The following PRKCA variants were observed in gnomAD, a reference collection of about 807,000 sequenced individuals.
PRKCA encodes protein kinase C alpha.
In PRKCA, 27 loss-of-function variants were observed where a neutral mutation model predicts 87.0. That is an observed-to-expected ratio of 0.31 (90% CI 0.23 to 0.43). The LOEUF is 0.43. Ranked by LOEUF, PRKCA falls within the 20% of genes least tolerant of loss-of-function variation. PRKCA has a pLI of 1.00. For synonymous variants in PRKCA, 329 were observed against 311.1 expected (o/e 1.06, Z -0.61); for missense variants, 518 against 852.3 (o/e 0.61, Z 4.88).
chr17:66,756,629 A>C (rs1407038164), intron 13 of PRKCA, among the ~76,000 whole-genome samples: 1 of 151,552 alleles, frequency 6.6e-6, no homozygotes, highest in East Asian at 1.9e-4. Context: ...AGGATGTTGG[A>C]ATGATAACCA....
chr17:66,724,238 G>A (rs1409143588), intron 8 of PRKCA, among the ~76,000 whole-genome samples: 1 of 151,824 alleles, frequency 6.6e-6, no homozygotes, highest in African/African-American at 2.4e-5. Flanking sequence ...GGAGGTTGCA[G>A]TGAGCCAAGA....
chr17:66,451,364 A>ATTTG (rs1914307559), intron 2 of PRKCA, among the ~76,000 whole-genome samples: 1 of 150,988 alleles, frequency 6.6e-6, no homozygotes, highest in Non-Finnish European at 1.5e-5. Context: ...TTATTTATTT[A>ATTTG]TTTATTTATT....
intron 2 of PRKCA, among the ~76,000 whole-genome samples, chr17:66,424,941 T>C (rs914585498): frequency 7.9e-5 from 12 of 151,988 alleles, no homozygotes; most frequent in Non-Finnish European, 1.3e-4. Context: ...TGTATTTTTT[T>C]AGTAGAGATG....
chr17:66,628,051 A>G (rs549843120), intron 3 of PRKCA, among the ~76,000 whole-genome samples: 15 of 152,324 alleles, frequency 9.8e-5, no homozygotes, highest in Non-Finnish European at 1.8e-4. Flanking sequence ...GAGAAAAACC[A>G]AGGATTAACA....
chr17:66,374,742 T>G (rs2143553371), intron 2 of PRKCA, among the ~76,000 whole-genome samples: 1 of 149,350 alleles, frequency 6.7e-6, no homozygotes, highest in African/African-American at 2.5e-5. Flanking sequence ...TTTTTTTTCT[T>G]TCTGAGACAC....
chr17:66,407,337 C>G (rs574053381), intron 2 of PRKCA, among the ~76,000 whole-genome samples: 1 of 151,960 alleles, frequency 6.6e-6, no homozygotes, highest in African/African-American at 2.4e-5. Flanking sequence ...AGTGAGTTCT[C>G]GGGGATCTGG....
intron 3 of PRKCA, among the ~76,000 whole-genome samples, chr17:66,533,762 C>T (rs535611025): frequency 1.2e-4 from 18 of 152,260 alleles, no homozygotes; most frequent in African/African-American, 3.9e-4. Flanking sequence ...GTTGTTGACT[C>T]GGGGGAGCGG....
chr17:66,660,625 C>A (rs996989075), intron 5 of PRKCA, among the ~76,000 whole-genome samples: 5 of 152,142 alleles, frequency 3.3e-5, no homozygotes, highest in Admixed American at 2.6e-4. Flanking sequence ...CGCGATGGCT[C>A]ACGCCTGTAA....
intron 2 of PRKCA, among the ~76,000 whole-genome samples, chr17:66,323,229 C>T (rs1905786728): frequency 6.6e-6 from 1 of 152,128 alleles, no homozygotes; most frequent in African/African-American, 2.4e-5. Context: ...TTGCATGCTC[C>T]CAGTGCACGT....
At chr17:66,738,948 TC>T in intron 11 of PRKCA, 93 bp downstream of exon 11, 1 of 937,484 alleles carries the variant, frequency 1.1e-6, no homozygotes, top group East Asian at 2.7e-5. Context: ...ATTGGGGGTC[TC>T]ACTCTGTCAC....
intron 13 of PRKCA, among the ~76,000 whole-genome samples, chr17:66,762,794 A>T (rs1223118546): frequency 6.6e-6 from 1 of 151,996 alleles, no homozygotes; most frequent in Non-Finnish European, 1.5e-5. Context: ...CACCTTTTTT[A>T]TTTTATTTTA....
intron 3 of PRKCA, among the ~76,000 whole-genome samples, chr17:66,620,505 C>T (rs969859931): frequency 4.6e-5 from 7 of 152,114 alleles, no homozygotes; most frequent in African/African-American, 1.2e-4. Flanking sequence ...CTGTGGCTAC[C>T]GATAGCTGCA....
At position 66,722,144 on chromosome 17, in the gene PRKCA, T is replaced by A. The variant is rs568085488; in HGVS notation, c.919-10544T>A. ...TATTGTATTAGAGGTCAGAAATTTC[T>A]ATTTTTATGGTCTGTCTGATTTTCC... On this transcript the variant is annotated intron_variant, in intron 8 of 16. Transcript: ENST00000413366. Among the ~76,000 whole-genome samples the A allele has an allele frequency of 2.0e-3, 298 of 152,342 alleles. 1 individual carries two copies. The highest frequency in any genetic ancestry group is 2.6e-3 in the Non-Finnish European group (177 of 68,022).
intron 5 of PRKCA, among the ~76,000 whole-genome samples, chr17:66,669,314 C>A (rs1346654879): frequency 6.6e-6 from 1 of 152,080 alleles, no homozygotes; most frequent in Non-Finnish European, 1.5e-5. Flanking sequence ...GTGCAACAAA[C>A]AGCAGAATTG....
At chr17:66,525,566 G>T (rs1043717123) in intron 3 of PRKCA, among the ~76,000 whole-genome samples, 1 of 152,184 alleles carries the variant, frequency 6.6e-6, no homozygotes, top group African/African-American at 2.4e-5. Context: ...TTAGTGAAGG[G>T]TGGAAGATCG....
chr17:66,701,631 C>T (rs1973067951), intron 8 of PRKCA, among the ~76,000 whole-genome samples: 1 of 151,950 alleles, frequency 6.6e-6, no homozygotes, highest in African/African-American at 2.4e-5. Flanking sequence ...AAAGAAAACC[C>T]ACAGATTTTA....
intron 3 of PRKCA, among the ~76,000 whole-genome samples, chr17:66,576,188 C>CTATGAAA (rs1969232104): frequency 6.6e-6 from 1 of 152,158 alleles, no homozygotes. Flanking sequence ...GGAGGCTGTG[C>CTATGAAA]TATGAAGACT....
At chr17:66,560,250 A>AT (rs1396686640) in intron 3 of PRKCA, among the ~76,000 whole-genome samples, 2 of 152,078 alleles carry the variant, frequency 1.3e-5, no homozygotes, top group Non-Finnish European at 2.9e-5. Context: ...ATAAAAAAAA[A>AT]ATATGAAGAA....
At position 66,804,118 on chromosome 17, in the gene PRKCA, A is replaced by C; in HGVS notation, c.*81A>C. The C allele has an allele frequency of 1.3e-6, 2 of 1,521,720 alleles. No homozygotes were observed. The highest frequency in any genetic ancestry group is 2.6e-5 in the South Asian group (2 of 78,058). 94.3% of individuals were successfully genotyped at this position (1,521,720 alleles called of 1,614,324 possible). On this transcript the variant is annotated 3_prime_UTR_variant, in exon 17 of 17. Coordinates refer to ENST00000413366, the MANE Select transcript of PRKCA (RefSeq NM_002737.3). Reference sequence around the variant, plus strand: ...AGTGAATCCTTAACCCTAAAATTTTAAGGCCACGGCCTTGTGTCTGATTCC... The same window carrying C: ...AGTGAATCCTTAACCCTAAAATTTTCAGGCCACGGCCTTGTGTCTGATTCC...
Sources: gnomAD v4.1 joint callset for allele counts (sites outside exome capture counted in the v4.1 genomes callset) on GRCh38, gnomAD v4.1.1 for gene constraint, MANE v1.5 for transcripts, NCBI Gene and HGNC (gene_info 2026-07-23, HGNC 2026-07-21) for gene names.